Variants in DNAH14 observed in about 807,000 individuals in gnomAD.
The protein encoded by DNAH14 is axonemal beta dynein heavy chain 14.
In DNAH14, 478 loss-of-function variants were observed where a neutral mutation model predicts 520.9. The observed-to-expected ratio is 0.92, with a 90% CI of 0.85 to 0.99. The LOEUF is 0.99. Ranked by LOEUF, DNAH14 falls within the 50% of genes least tolerant of loss-of-function variation. The pLI is 0.00. For missense variants in DNAH14, 4,831 were observed against 5,234.5 expected (o/e 0.92, Z 2.38); for synonymous variants, 1,581 against 1,757.2 (o/e 0.90, Z 2.51).
Position 225,117,976 on chromosome 1 carries a change from AG to A in DNAH14, c.4072del (p.Glu1358LysfsTer11), listed in dbSNP as rs766515575. ...PAVKMLISAEGEGLVLPKKIR... is the reference protein window; with the variant it reads ...PAVKMLISAEXEGLVLPKKIR... The stretch of plus-strand genomic sequence containing the variant: ...CTGTAAAAATGCTAATATCTGCTGA[AG>A]GGGAAGGTCTCGTGCTGCCAAAGTA... On this transcript the variant is annotated frameshift_variant, in exon 25 of 86. Transcript: ENST00000682510. LOFTEE classifies it high-confidence loss of function. 1.3e-6 allele frequency: 2 copies of A among 1,550,632 alleles called. No homozygotes were observed. Among genetic ancestry groups the A allele is most frequent in the South Asian group, 2.4e-5 (2 of 84,050 alleles).
At chr1:225,097,469 A>G (rs2075086306) in intron 22 of DNAH14, among the ~76,000 whole-genome samples, 1 of 152,200 alleles carries the variant, frequency 6.6e-6, no homozygotes, top group South Asian at 2.1e-4. Flanking sequence ...GAGCTAAGAA[A>G]GAAGTGTTAA....
intron 56 of DNAH14, among the ~76,000 whole-genome samples, chr1:225,301,754 A>G (rs957492070): frequency 2.0e-5 from 3 of 152,158 alleles, no homozygotes; most frequent in African/African-American, 7.2e-5. Context: ...TTCTCAACTT[A>G]GTAACAACAT....
Position 225,351,855 on chromosome 1 carries a change from G to A in DNAH14, c.11505G>A (p.Leu3835=). Residue 3835 remains leucine, a synonymous_variant, in exon 72 of 86, where the codon TTG becomes TTA. Transcript: ENST00000682510. ...STPFSSENAS[L]EENTKPPEET... is the part of the protein sequence containing the mutation. ...CTTTCTCTTCAGAAAATGCTTCATT[G>A]GAGGAAAATACAAAACCACCAGAGG... The A allele has an allele frequency of 6.4e-7, 1 of 1,550,954 alleles. No individual in the cohort carries two copies. The highest frequency in any genetic ancestry group is 1.2e-5 in the South Asian group (1 of 83,986).
At chr1:225,358,971 T>C (rs2095462614) in intron 74 of DNAH14, among the ~76,000 whole-genome samples, 2 of 152,246 alleles carry the variant, frequency 1.3e-5, no homozygotes, top group Admixed American at 1.3e-4. Flanking sequence ...TAAAGATCCA[T>C]GCAGAACTGC....
At chr1:225,046,243 A>G (rs1172369599) in intron 15 of DNAH14, among the ~76,000 whole-genome samples, 1 of 151,990 alleles carries the variant, frequency 6.6e-6, no homozygotes, top group Non-Finnish European at 1.5e-5. Context: ...ATTTACATTC[A>G]TATTCATACA....
intron 68 of DNAH14, among the ~76,000 whole-genome samples, chr1:225,340,096 A>T (rs1273229504): frequency 6.6e-6 from 1 of 152,158 alleles, no homozygotes; most frequent in African/African-American, 2.4e-5. Context: ...AGTCTGATTT[A>T]AAAAGACCAT....
intron 23 of DNAH14, among the ~76,000 whole-genome samples, chr1:225,113,702 CCTT>C (rs1553455948): frequency 2.6e-5 from 4 of 152,204 alleles, no homozygotes; most frequent in Non-Finnish European, 5.9e-5. Context: ...AAGACACAGT[CCTT>C]CTCACTCTTC....
chr1:224,988,985 C>T (rs2062845806), intron 8 of DNAH14, among the ~76,000 whole-genome samples: 1 of 152,088 alleles, frequency 6.6e-6, no homozygotes, highest in Non-Finnish European at 1.5e-5. Flanking sequence ...TAATGCATTC[C>T]CAGAATAATG....
chr1:225,025,053 A>G lies in DNAH14; in HGVS notation c.1358+1188A>G, dbSNP rs143976999. On this transcript the variant is annotated intron_variant, in intron 11 of 85. Coordinates refer to ENST00000682510, the MANE Select transcript of DNAH14 (RefSeq NM_001367479.1). Reference sequence around the variant, plus strand: ...TTTTTATGTTACAGGAATAATATATATAGGTCAGGCACAGTGGCTCACACC... The same window carrying G: ...TTTTTATGTTACAGGAATAATATATGTAGGTCAGGCACAGTGGCTCACACC... 3.3e-5 allele frequency among the ~76,000 whole-genome samples: 5 copies of G among 152,244 alleles called. No homozygotes were observed. In the East Asian group the frequency reaches 9.6e-4, roughly 29 times the overall value.
chr1:224,967,956 A>G (rs1465028526), intron 6 of DNAH14: 23 of 1,156,036 alleles, frequency 2.0e-5, no homozygotes, highest in African/African-American at 3.2e-5. Context: ...CCAGATGTAG[A>G]AATCCCCCTT....
intron 43 of DNAH14, among the ~76,000 whole-genome samples, chr1:225,249,925 C>T (rs191247755): frequency 6.6e-4 from 100 of 152,312 alleles, no homozygotes; most frequent in Non-Finnish European, 1.2e-3. Context: ...AGTTAATTTG[C>T]TGAATAGTAT....
Position 225,276,068 on chromosome 1 carries a change from C to A in DNAH14, c.8165C>A (p.Ser2722Ter), listed in dbSNP as rs2093460567. The change falls in exon 53 of 86, where the codon TCA (serine) becomes TAA (stop). Residue 2722 changes from serine to a stop codon, truncating the protein, a stop_gained. Transcript: ENST00000682510. LOFTEE classifies it high-confidence loss of function. Reference sequence around the variant, plus strand: ...GATGAATTCCAAATGAAGTTGGGTTCAATTTCTTTGGAGGTAAACATATAT... The same window carrying A: ...GATGAATTCCAAATGAAGTTGGGTTAAATTTCTTTGGAGGTAAACATATAT... ...VLDEFQMKLG[S>*]ISLELSHSMV... The A allele has an allele frequency of 8.6e-6, 3 of 348,814 alleles. No individual in the cohort carries two copies. Among genetic ancestry groups the A allele is most frequent in the South Asian group, 2.6e-5 (1 of 38,374 alleles). 21.6% of individuals were successfully genotyped at this position (348,814 alleles called of 1,614,324 possible). A position where few individuals can be genotyped will look rare whatever the true frequency, so the allele number is the denominator to read the frequency against.
rs11443248 is a variant in DNAH14 at position 225,185,946 on chromosome 1, G to GTTTTTTTTTTTTT, written c.5670+526_5670+538dup. Among the ~76,000 whole-genome samples the GTTTTTTTTTTTTT allele has an allele frequency of 3.0e-5, 3 of 98,784 alleles. 1 individual carries two copies. Among genetic ancestry groups the GTTTTTTTTTTTTT allele is most frequent in the East Asian group, 6.1e-4 (2 of 3,286 alleles). 64.8% of individuals were successfully genotyped at this position (98,784 alleles called of 152,430 possible). ...GAATTTTCTATTCGCATTACACTTT[G>GTTTTTTTTTTTTT]TTTTTTTTTTTTTTTTTGGCTGTTA... On this transcript the variant is annotated intron_variant, in intron 37 of 85. Transcript: ENST00000682510.
intron 44 of DNAH14, among the ~76,000 whole-genome samples, chr1:225,253,555 G>T (rs910703115): frequency 4.6e-5 from 7 of 151,852 alleles, no homozygotes; most frequent in Non-Finnish European, 1.0e-4. Context: ...TGCTTCAAAA[G>T]TCTCCTTTTA....
chr1:224,945,487 A>G (rs779586690), intron 1 of DNAH14, among the ~76,000 whole-genome samples: 6 of 151,732 alleles, frequency 4.0e-5, no homozygotes, highest in Admixed American at 6.6e-5. Flanking sequence ...CCTTCTCTCA[A>G]CTTGTCAAAG....
chr1:225,084,190 T>A (rs2073470026), intron 20 of DNAH14, among the ~76,000 whole-genome samples: 1 of 151,570 alleles, frequency 6.6e-6, no homozygotes, highest in Non-Finnish European at 1.5e-5. Flanking sequence ...TAGTGAGGAG[T>A]TAGAGGAACC....
Position 225,079,279 on chromosome 1 carries a change from T to A in DNAH14, c.2497T>A (p.Phe833Ile). The change falls in exon 18 of 86, where the codon TTT becomes ATT. Residue 833 changes from phenylalanine (F) to isoleucine (I), a missense_variant. Transcript: ENST00000682510. The part of the protein sequence containing the change: ...EIEEFLEHFI[F>I]LNAISSKISK... ...AGAAGAATTTCTGGAGCATTTTATT[T>A]TTTTGAATGCAATTTCCTCAAAAAT... The A allele has an allele frequency of 3.2e-6, 5 of 1,549,366 alleles. No individual in the cohort carries two copies. The highest frequency in any genetic ancestry group is 4.4e-6 in the Non-Finnish European group (5 of 1,146,498).
chr1:224,929,685 T>C lies in DNAH14; in HGVS notation c.-184T>C. 1.4e-6 allele frequency: 1 copy of C among 702,460 alleles called. No homozygotes were observed. Among genetic ancestry groups the C allele is most frequent in the Middle Eastern group, 2.3e-4 (1 of 4,370 alleles). The allele number at this position is 702,460 out of a possible 1,614,324, so 43.5% of individuals were successfully genotyped here. Reference sequence around the variant, plus strand: ...CAGGCGTGGCTCTTGGTCAGGCGGTTACGGCCAGGAGGCGTCGGAGCCTGG... The same window carrying C: ...CAGGCGTGGCTCTTGGTCAGGCGGTCACGGCCAGGAGGCGTCGGAGCCTGG... On this transcript the variant is annotated 5_prime_UTR_variant, in exon 1 of 86. Transcript: ENST00000682510.
chr1:225,064,698 T>C (rs1257779241), intron 17 of DNAH14, among the ~76,000 whole-genome samples: 1 of 152,046 alleles, frequency 6.6e-6, no homozygotes, highest in East Asian at 1.9e-4. Flanking sequence ...TACTCATATA[T>C]GAAACTTGAC....
Sources: gnomAD v4.1 joint callset for allele counts (sites outside exome capture counted in the v4.1 genomes callset) on GRCh38, gnomAD v4.1.1 for gene constraint, MANE v1.5 for transcripts, NCBI Gene and HGNC (gene_info 2026-07-23, HGNC 2026-07-21) for gene names.